PRAME: variants seen among roughly 807,000 people sequenced by gnomAD.
The protein encoded by PRAME is PRAME nuclear receptor transcriptional regulator, also known as melanoma antigen preferentially expressed in tumors.
Under a neutral mutation model 32.1 loss-of-function variants are expected in PRAME, and 21 were observed. The ratio of observed to expected loss-of-function variants is 0.65; its 90% CI spans 0.46 to 0.94. The LOEUF (loss-of-function observed/expected upper bound fraction) is 0.94. PRAME is among the 40% of genes least tolerant of loss of function. The pLI, the probability that PRAME is intolerant of heterozygous loss-of-function variation, is 0.00. For synonymous variants in PRAME, 274 were observed against 251.5 expected, an observed-to-expected ratio of 1.09 and a Z score of -0.85; for missense variants, 651 against 622.3, an observed-to-expected ratio of 1.05 and a Z score of -0.49.
In PRAME at chr22:22,548,638, AC is replaced by A. The variant is rs1302167040; in HGVS notation, c.958del (p.Val320Ter). On this transcript the variant is annotated frameshift_variant, in exon 6 of 6. Transcript: ENST00000405655. LOFTEE classifies it low-confidence loss of function (END_TRUNC). ...RGRLDQLLRHVMNPLETLSIT... is the reference protein window; with the variant it reads ...RGRLDQLLRHXMNPLETLSIT... ...TGAGAGGGTTTCCAAGGGGTTCATC[AC>A]GTGCCTGCAAATAGACAAAGCAGTT... is the stretch of plus-strand genomic sequence containing the variant. The A allele has an allele frequency of 1.1e-5, 17 of 1,592,180 alleles. No individual in the cohort carries two copies. The highest frequency in any genetic ancestry group is 8.5e-7 in the Non-Finnish European group (1 of 1,173,634).
At chr22:22,548,772 A>C in intron 5 of PRAME, 129 bp from the exon 6 acceptor site, 1 of 866,958 alleles carries the variant, frequency 1.2e-6, no homozygotes, top group Admixed American at 2.7e-5. Flanking sequence ...CCATGCTGTA[A>C]CGGAGCATTC....
At position 22,550,909 on chromosome 22, in the gene PRAME, T is replaced by A. The variant is rs753990502; in HGVS notation, c.202A>T (p.Thr68Ser). The A allele has an allele frequency of 1.2e-6, 2 of 1,613,844 alleles. No homozygotes were observed. The highest frequency in any genetic ancestry group is 1.7e-6 in the Non-Finnish European group (2 of 1,179,956). The change falls in exon 4 of 6, where the codon ACC (threonine) becomes TCC (serine). Residue 68 changes from threonine (T) to serine (S), a missense_variant. Transcript: ENST00000405655. ...MAAFDGRHSQ[T>S]LKAMVQAWPF... ...CAGGCCTGCACCATTGCCTTCAGGG[T>A]CTGGCTGTGTCTCCCGTCAAAGGCT...
rs531696413 is a variant in PRAME, at chr22:22,556,696, C to A, written c.21+116G>T. 82 of 1,241,414 alleles carry A rather than the reference C, an allele frequency of 6.6e-5. No individual in the cohort carries two copies. The South Asian group carries it at 9.7e-4, about 15-fold the overall frequency. The allele number at this position is 1,241,414 out of a possible 1,614,324, so 76.9% of individuals were successfully genotyped here. ...CCAGAAACAATAAAAGCGGCTCCTG[C>A]CTCTTCGTCTACTGTGAGGGACCTC... is the stretch of plus-strand genomic sequence containing the variant. On this transcript the variant is annotated intron_variant, in intron 3 of 5. Coordinates refer to ENST00000405655, the MANE Select transcript of PRAME (RefSeq NM_206956.3).
In PRAME at chr22:22,550,790, G is replaced by A. The variant is rs1335343730; in HGVS notation, c.321C>T (p.Leu107=). 3.1e-6 allele frequency: 5 copies of A among 1,594,994 alleles called. No homozygotes were observed. Among genetic ancestry groups the A allele is most frequent in the Non-Finnish European group, 2.6e-6 (3 of 1,167,350 alleles). Residue 107 remains leucine (L), a synonymous_variant, in exon 4 of 6, where the codon CTC becomes CTT. Transcript: ENST00000405655. ...ACCTGGGGCGAACCTCCTGGGCAAG[G>A]AGCACATCAAGTCCATCAAGCACAG... is the stretch of plus-strand genomic sequence containing the variant. The part of the protein sequence containing the change: ...FKAVLDGLDV[L]LAQEVRPRRW...
chr22:22,552,537 C>T (rs2062650439), intron 3 of PRAME, among the ~76,000 whole-genome samples: 1 of 151,674 alleles, frequency 6.6e-6, no homozygotes, highest in Admixed American at 6.6e-5. Flanking sequence ...ATAATTTGAT[C>T]ATTACATACT....
chr22:22,551,585 G>A (rs994771087), intron 3 of PRAME, among the ~76,000 whole-genome samples: 3 of 151,230 alleles, frequency 2.0e-5, no homozygotes, highest in Non-Finnish European at 4.4e-5. Flanking sequence ...TTTTAAATGA[G>A]AAACTACAGA....
At chr22:22,551,123 TC>T (rs757207267) in intron 3 of PRAME, 34 bp from the exon 4 acceptor site, 1 of 1,517,120 alleles carries the variant, frequency 6.6e-7, no homozygotes, top group Non-Finnish European at 8.9e-7. Flanking sequence ...GGCATCCCTT[TC>T]AGCCCAAGCA....
rs768200532 is a variant in PRAME at position 22,551,018 on chromosome 22, C to A, written c.93G>T (p.Gly31=). ...TSPRRLVELA[G]QSLLKDEALA... ...GGGCCTCATCCTTCAGCAGGCTCTG[C>A]CCTGCCAGCTCCACAAGTCTCCGTG... The change falls in exon 4 of 6, where the codon GGG becomes GGT. Residue 31 remains glycine (G), a synonymous_variant. Coordinates refer to ENST00000405655, the MANE Select transcript of PRAME (RefSeq NM_206956.3). The A allele has an allele frequency of 6.2e-7, 1 of 1,611,742 alleles. No homozygotes were observed. Among genetic ancestry groups the A allele is most frequent in the Non-Finnish European group, 8.5e-7 (1 of 1,178,716 alleles).
intron 3 of PRAME, among the ~76,000 whole-genome samples, chr22:22,551,695 T>C (rs1266625635): frequency 6.6e-6 from 1 of 151,864 alleles, no homozygotes; most frequent in Non-Finnish European, 1.5e-5. Flanking sequence ...TATTAAGAGT[T>C]ACTACTTTGA....
At position 22,550,931 on chromosome 22, in the gene PRAME, G is replaced by A. The variant is rs183981942; in HGVS notation, c.180C>T (p.Ala60=). 58 of 1,613,880 alleles carry A rather than the reference G, an allele frequency of 3.6e-5. No individual in the cohort carries two copies. In the Admixed American group the frequency reaches 9.3e-4, roughly 26 times the overall value. Residue 60 remains alanine, a synonymous_variant, in exon 4 of 6, where the codon GCC becomes GCT. Transcript: ENST00000405655. ...RELFPPLFMA[A]FDGRHSQTLK... is the part of the protein sequence containing the mutation. ...GGGTCTGGCTGTGTCTCCCGTCAAA[G>A]GCTGCCATGAAGAGTGGCGGGAAGA...
intron 1 of PRAME, among the ~76,000 whole-genome samples, chr22:22,558,744 G>T (rs1198122314): frequency 6.6e-6 from 1 of 151,360 alleles, no homozygotes; most frequent in Non-Finnish European, 1.5e-5. Flanking sequence ...AGACGTCCAA[G>T]TCTGGACTCT....
intron 3 of PRAME, among the ~76,000 whole-genome samples, chr22:22,554,840 G>A (rs2266984): frequency 0.23 from 35,170 of 151,824 alleles, 4,194 homozygotes; most frequent in Middle Eastern, 0.27. Context: ...CCAACAGTTA[G>A]GGAAGCTTCC....
intron 4 of PRAME, 143 bp from the exon 5 acceptor site, chr22:22,550,477 G>T: frequency 2.5e-6 from 3 of 1,196,798 alleles, no homozygotes; most frequent in Non-Finnish European, 3.5e-6. Flanking sequence ...GGCATCAGCT[G>T]CTCCCTTTCC....
In PRAME at chr22:22,559,161, T is replaced by C. The variant is rs2063180377; in HGVS notation, c.-304A>G. 1 of 252,842 alleles carries C rather than the reference T, an allele frequency of 4.0e-6. No homozygotes were observed. Among genetic ancestry groups the C allele is most frequent in the Admixed American group, 6.4e-5 (1 of 15,632 alleles). The allele number at this position is 252,842 out of a possible 1,614,324, so 15.7% of individuals were successfully genotyped here. A position where few individuals can be genotyped will look rare whatever the true frequency, so the allele number is the denominator to read the frequency against. On this transcript the variant is annotated 5_prime_UTR_variant, in exon 1 of 6. Transcript: ENST00000405655. Reference sequence around the variant, plus strand: ...CCTACATTCAGGGCTGCTCCTTTTGTCGCCAATACAGACCTGTTGACAGGT... The same window carrying C: ...CCTACATTCAGGGCTGCTCCTTTTGCCGCCAATACAGACCTGTTGACAGGT...
chr22:22,551,411 T>A (rs1353777468), intron 3 of PRAME, among the ~76,000 whole-genome samples: 1 of 151,904 alleles, frequency 6.6e-6, no homozygotes. Context: ...CTGACCCTGC[T>A]CATTTTGGGA....
rs201965017 is a variant in PRAME at position 22,548,140 on chromosome 22, G to C, written c.1457C>G (p.Pro486Arg). 6.2e-7 allele frequency: 1 copy of C among 1,613,766 alleles called. No individual in the cohort carries two copies. The highest frequency in any genetic ancestry group is 1.7e-5 in the Admixed American group (1 of 59,962). The change falls in exon 6 of 6, where the codon CCC becomes CGC. Residue 486 changes from proline (P) to arginine (R), a missense_variant. By Grantham distance (103) the Pro-to-Arg change is moderately radical. Coordinates refer to ENST00000405655, the MANE Select transcript of PRAME (RefSeq NM_206956.3). The part of the protein sequence containing the change: ...RPSMVWLSAN[P>R]CPHCGDRTFY... The stretch of plus-strand genomic sequence containing the variant: ...GGTTCTGTCCCCACAGTGAGGACAG[G>C]GGTTGGCACTAAGCCAGACCATGCT...
intron 3 of PRAME, chr22:22,555,855 T>C (rs1339210223): frequency 2.1e-6 from 1 of 470,654 alleles, no homozygotes; most frequent in Non-Finnish European, 4.4e-6. Flanking sequence ...CCCAAGCCCA[T>C]GGGGCAGTGA....
intron 4 of PRAME, 44 bp from the exon 5 acceptor site, chr22:22,550,378 T>C (rs141864156): frequency 1.3e-6 from 2 of 1,587,926 alleles, no homozygotes; most frequent in Non-Finnish European, 1.7e-6. Context: ...TGCTTTAAGA[T>C]CAACTCAAAA....
At position 22,550,301 on chromosome 22, in the gene PRAME, C is replaced by T; in HGVS notation, c.378G>A (p.Lys126=). 1 of 1,613,158 alleles carries T rather than the reference C, an allele frequency of 6.2e-7. No homozygotes were observed. Among genetic ancestry groups the T allele is most frequent in the South Asian group, 1.1e-5 (1 of 90,850 alleles). Residue 126 remains lysine (K), a synonymous_variant, in exon 5 of 6, where the codon AAG becomes AAA. Coordinates refer to ENST00000405655, the MANE Select transcript of PRAME (RefSeq NM_206956.3). ...CAGTCCAGAAGTCCTGATGAGAGTT[C>T]TTCCGTAAATCCAGCACTTGAAGTT... ...RWKLQVLDLR[K]NSHQDFWTVW... is the part of the protein sequence containing the mutation.
Sources: allele counts gnomAD v4.1 joint callset (sites outside exome capture counted in the v4.1 genomes callset), GRCh38; gene constraint gnomAD v4.1.1; transcripts MANE v1.5; gene names NCBI Gene and HGNC (gene_info 2026-07-23, HGNC 2026-07-21).